CACNA2D2: variants seen among roughly 807,000 people sequenced by gnomAD.
CACNA2D2 encodes calcium voltage-gated channel auxiliary subunit alpha2delta 2.
CACNA2D2 carries 48 observed loss-of-function variants against 166.4 expected under a neutral mutation model. The ratio of observed to expected loss-of-function variants is 0.29; its 90% CI spans 0.23 to 0.37. The LOEUF (loss-of-function observed/expected upper bound fraction) is 0.37. CACNA2D2 is among the 10% of genes least tolerant of loss of function. The pLI, the probability that CACNA2D2 is intolerant of heterozygous loss-of-function variation, is 1.00. For missense variants in CACNA2D2, 1,122 were observed against 1,433.0 expected (o/e 0.78, Z 3.50); for synonymous variants, 561 against 573.7 (o/e 0.98, Z 0.32).
At chr3:50,420,192 GAGA>G (rs1485549060) in intron 3 of CACNA2D2, among the ~76,000 whole-genome samples, 2 of 152,282 alleles carry the variant, frequency 1.3e-5, no homozygotes, top group African/African-American at 2.4e-5. Flanking sequence ...GTCGCAGTAA[GAGA>G]AGGAGGGGAG....
At chr3:50,401,414 C>T (rs1303122432) in intron 3 of CACNA2D2, among the ~76,000 whole-genome samples, 2 of 152,184 alleles carry the variant, frequency 1.3e-5, no homozygotes, top group South Asian at 2.1e-4. Flanking sequence ...TCAGTGCCTG[C>T]ACCCCCTCAG....
At position 50,365,249 on chromosome 3, in the gene CACNA2D2, G is replaced by GCGA. The variant is rs1704179893; in HGVS notation, c.3099-66_3099-65insTCG. On this transcript the variant is annotated intron_variant, in intron 35 of 37. Transcript: ENST00000424201. The surrounding 1 kb of genome is among the most constrained non-coding windows in gnomAD (Gnocchi z 4.5). ...CGCCCTGACCCACCCCCATCCTGCG[G>GCGA]CCCCGCCCCCGGCCGCTCGGAGGCC... The GCGA allele has an allele frequency of 6.5e-7, 1 of 1,550,350 alleles. No individual in the cohort carries two copies. The highest frequency in any genetic ancestry group is 1.4e-5 in the African/African-American group (1 of 71,968).
intron 3 of CACNA2D2, among the ~76,000 whole-genome samples, chr3:50,399,716 G>A (rs1457177156): frequency 6.6e-6 from 1 of 152,160 alleles, no homozygotes; most frequent in Non-Finnish European, 1.5e-5. Flanking sequence ...AGGAAGAGGG[G>A]GCATCAAACC....
chr3:50,387,656 C>G (rs187945409), intron 4 of CACNA2D2, 44 bp from the exon 5 acceptor site: 2 of 1,515,978 alleles, frequency 1.3e-6, no homozygotes, highest in African/African-American at 2.7e-5. Flanking sequence ...CTCAGGGTCC[C>G]GAGACAGACA....
chr3:50,459,253 G>T (rs1387727235), intron 2 of CACNA2D2, among the ~76,000 whole-genome samples: 3 of 152,204 alleles, frequency 2.0e-5, no homozygotes, highest in South Asian at 2.1e-4. Flanking sequence ...GGGTCACCCT[G>T]AGGAGATTGT....
chr3:50,483,950 G>A (rs1698167758), intron 1 of CACNA2D2, among the ~76,000 whole-genome samples: 1 of 152,202 alleles, frequency 6.6e-6, no homozygotes, highest in Admixed American at 6.5e-5. Flanking sequence ...CCAGGTCACA[G>A]AGGTCACAAA....
At chr3:50,473,983 T>TCTGCCTGC (rs369356407) in intron 2 of CACNA2D2, among the ~76,000 whole-genome samples, 1 of 152,216 alleles carries the variant, frequency 6.6e-6, no homozygotes, top group Non-Finnish European at 1.5e-5. Context: ...TCAGCACTTC[T>TCTGCCTGC]CTGCCTGCCT....
intron 22 of CACNA2D2, among the ~76,000 whole-genome samples, chr3:50,373,273 AAGAG>A (rs1271348428): frequency 6.6e-6 from 1 of 151,044 alleles, no homozygotes; most frequent in Non-Finnish European, 1.5e-5. Context: ...ATGAGAGAGA[AAGAG>A]AGAGCAAGAA....
chr3:50,445,593 T>C (rs916781473), intron 2 of CACNA2D2, among the ~76,000 whole-genome samples: 2 of 152,148 alleles, frequency 1.3e-5, no homozygotes, highest in Admixed American at 1.3e-4. Flanking sequence ...GAAGCATAAA[T>C]AAATAAACAA....
At chr3:50,435,679 CTCT>C (rs1211183722) in intron 2 of CACNA2D2, among the ~76,000 whole-genome samples, 16 of 152,018 alleles carry the variant, frequency 1.1e-4, no homozygotes, top group Admixed American at 3.3e-4. Flanking sequence ...GGAGCCCCTG[CTCT>C]GCTGCTACCC....
intron 2 of CACNA2D2, 115 bp from the exon 3 acceptor site, chr3:50,434,544 C>T (rs1275957375): frequency 5.1e-6 from 4 of 779,308 alleles, no homozygotes; most frequent in African/African-American, 1.7e-5. Context: ...CGCACCCAGA[C>T]CCTGTCTTTG....
intron 2 of CACNA2D2, among the ~76,000 whole-genome samples, chr3:50,449,630 A>G (rs1395235029): frequency 2.6e-5 from 4 of 152,242 alleles, no homozygotes; most frequent in Non-Finnish European, 1.5e-5. Context: ...GGCCCAAATC[A>G]AGGCCAGGGA....
At position 50,433,051 on chromosome 3, in the gene CACNA2D2, A is replaced by G. The variant is rs577235460; in HGVS notation, c.405+1262T>C. Among the ~76,000 whole-genome samples, 4 of 152,370 alleles carry G rather than the reference A, an allele frequency of 2.6e-5. No homozygotes were observed. In the East Asian group the frequency reaches 7.7e-4, roughly 29 times the overall value. ...GCAAATCCACCCAAATAAAGTATAC[A>G]ATTCAGTGGTTTTTAGTATATTCAG... On this transcript the variant is annotated intron_variant, in intron 3 of 37. Transcript: ENST00000424201.
At chr3:50,488,785 C>T (rs1698399633) in intron 1 of CACNA2D2, among the ~76,000 whole-genome samples, 3 of 151,954 alleles carry the variant, frequency 2.0e-5, no homozygotes, top group Non-Finnish European at 2.9e-5. Flanking sequence ...CTGCAAGCTC[C>T]GCCCCTCGGG....
At chr3:50,377,881 G>A (rs1705072816) in intron 15 of CACNA2D2, 78 bp from the exon 16 acceptor site, 8 of 1,496,430 alleles carry the variant, frequency 5.3e-6, no homozygotes, top group South Asian at 1.2e-5. Flanking sequence ...AGGGACTGAG[G>A]TGCAGGCCAC....
intron 1 of CACNA2D2, among the ~76,000 whole-genome samples, chr3:50,488,412 T>C (rs181849725): frequency 6.6e-6 from 1 of 152,212 alleles, no homozygotes; most frequent in African/African-American, 2.4e-5. Context: ...AACAAACCAG[T>C]ACCCATCACA....
chr3:50,496,848 T>A (rs1357526131), intron 1 of CACNA2D2, among the ~76,000 whole-genome samples: 1 of 152,178 alleles, frequency 6.6e-6, no homozygotes, highest in Admixed American at 6.5e-5. Flanking sequence ...GAACTAGCCA[T>A]CAGGGAAGGC....
At chr3:50,468,892 G>A (rs1253933841) in intron 2 of CACNA2D2, among the ~76,000 whole-genome samples, 4 of 149,184 alleles carry the variant, frequency 2.7e-5, no homozygotes, top group Non-Finnish European at 1.5e-5. Context: ...GCAGTGGAGC[G>A]ATCTCGGCTC....
At chr3:50,446,527 G>C (rs1485888379) in intron 2 of CACNA2D2, among the ~76,000 whole-genome samples, 1 of 152,162 alleles carries the variant, frequency 6.6e-6, no homozygotes, top group South Asian at 2.1e-4. Flanking sequence ...CCCTGCCCCT[G>C]ACCCCTCCTT....
Sources: gnomAD v4.1 joint callset for allele counts (sites outside exome capture counted in the v4.1 genomes callset) on GRCh38, gnomAD v4.1.1 for gene constraint, Gnocchi (gnomAD v3.1) non-coding constraint, MANE v1.5 for transcripts, NCBI Gene and HGNC (gene_info 2026-07-23, HGNC 2026-07-21) for gene names.